Variants in LTBP2 observed in about 807,000 individuals in gnomAD.
LTBP2 encodes the protein latent transforming growth factor beta binding protein 2, also known as latent-transforming growth factor beta-binding protein 2.
LTBP2 carries 103 observed loss-of-function variants against 210.6 expected under a neutral mutation model. That is an observed-to-expected ratio of 0.49 (90% CI 0.42 to 0.58). The LOEUF (loss-of-function observed/expected upper bound fraction) is 0.58. Among genes scored for constraint, LTBP2 ranks in the 20% least tolerant of loss-of-function variants. The pLI is 0.00. For missense variants in LTBP2, 2,313 were observed against 2,494.5 expected (o/e 0.93, Z 1.55); for synonymous variants, 1,007 against 1,015.0 (o/e 0.99, Z 0.15).
intron 18 of LTBP2, among the ~76,000 whole-genome samples, chr14:74,514,083 C>T (rs1566618360): frequency 6.6e-6 from 1 of 152,216 alleles, no homozygotes; most frequent in Non-Finnish European, 1.5e-5. Context: ...GAGGAAGATT[C>T]CGAATGAAGC....
At position 74,528,501 on chromosome 14, in the gene LTBP2, C is replaced by CT; in HGVS notation, c.2349_2350insA (p.Gly784ArgfsTer5). ...CAGATACCCTTGTCAGGGATGGTCC[C>CT]GGCCTCAAGCCAGGTGTCCGTGACG... On this transcript the variant is annotated frameshift_variant, in exon 12 of 36. Transcript: ENST00000261978. LOFTEE classifies it high-confidence loss of function. The CT allele has an allele frequency of 6.2e-7, 1 of 1,611,992 alleles. No individual in the cohort carries two copies. Among genetic ancestry groups the CT allele is most frequent in the South Asian group, 1.1e-5 (1 of 91,020 alleles).
At position 74,522,126 on chromosome 14, in the gene LTBP2, G is replaced by A. The variant is rs1595250969; in HGVS notation, c.2660-87C>T. Reference sequence around the variant, plus strand: ...TACCAGCAACCTGCCCACACTAGGGGCTGGGCAGGGGATGGTGCTGTGTGG... The same window carrying A: ...TACCAGCAACCTGCCCACACTAGGGACTGGGCAGGGGATGGTGCTGTGTGG... On this transcript the variant is annotated intron_variant, in intron 16 of 35. Coordinates refer to ENST00000261978, the MANE Select transcript of LTBP2 (RefSeq NM_000428.3). 15 of 1,452,044 alleles carry A rather than the reference G, an allele frequency of 1.0e-5. No homozygotes were observed. In the South Asian group the frequency reaches 1.8e-4, roughly 18 times the overall value. The allele number at this position is 1,452,044 out of a possible 1,614,324, so 89.9% of individuals were successfully genotyped here. A position where few individuals can be genotyped will look rare whatever the true frequency, so the allele number is the denominator to read the frequency against.
In LTBP2 at chr14:74,499,483, G is replaced by T. The variant is rs889367179; in HGVS notation, c.*1401C>A. ...GTGATGGCTAACAATCAGAGGAGCA[G>T]GTAGGACAGGGCAGATTAAATTAAG... On this transcript the variant is annotated 3_prime_UTR_variant, in exon 36 of 36. Transcript: ENST00000261978. The T allele has an allele frequency of 8.7e-6, 2 of 228,636 alleles. No homozygotes were observed. Among genetic ancestry groups the T allele is most frequent in the Non-Finnish European group, 1.7e-5 (2 of 115,260 alleles). 14.2% of individuals were successfully genotyped at this position (228,636 alleles called of 1,614,324 possible). A position where few individuals can be genotyped will look rare whatever the true frequency, so the allele number is the denominator to read the frequency against.
At chr14:74,573,893 T>A (rs148048887) in intron 3 of LTBP2, among the ~76,000 whole-genome samples, 1 of 152,128 alleles carries the variant, frequency 6.6e-6, no homozygotes, top group African/African-American at 2.4e-5. Flanking sequence ...GTCTTTCACA[T>A]TGAGACTCGG....
chr14:74,525,128 G>C lies in LTBP2; in HGVS notation c.2526C>G (p.Thr842=). ...PSTDVLVTLS[T]PGIDRCAAGA... ...CAAAGGTCTGGCTGCAGCTACCTGG[G>C]GTGCTCAGGGTCACCAGCACATCAG... is the stretch of plus-strand genomic sequence containing the variant. Residue 842 remains threonine (T), a synonymous_variant, in exon 15 of 36, where the codon ACC becomes ACG. Coordinates refer to ENST00000261978, the MANE Select transcript of LTBP2 (RefSeq NM_000428.3). 3.0e-6 allele frequency: 4 copies of C among 1,325,746 alleles called. No homozygotes were observed. The East Asian group carries it at 8.4e-5, about 28-fold the overall frequency. 82.1% of individuals were successfully genotyped at this position (1,325,746 alleles called of 1,614,324 possible).
Position 74,507,206 on chromosome 14 carries a change from G to A in LTBP2, c.3880C>T (p.His1294Tyr), listed in dbSNP as rs780526555. 1.2e-6 allele frequency: 2 copies of A among 1,614,180 alleles called. No individual in the cohort carries two copies. The highest frequency in any genetic ancestry group is 1.7e-6 in the Non-Finnish European group (2 of 1,180,024). The change falls in exon 26 of 36, where the codon CAC (histidine) becomes TAC (tyrosine). Residue 1294 changes from histidine (H) to tyrosine (Y), a missense_variant. His to Tyr is a moderately conservative substitution (Grantham distance 83). Around this residue, in one of 3 missense-constraint regions of LTBP2, gnomAD observed 1,867 missense variants for 1,976.9 expected, o/e 0.94. Transcript: ENST00000261978. ...RCVLGCQPGF[H>Y]MAPNGDCIDI... ...ATGCAGTCTCCGTTCGGGGCCATGT[G>A]GAAGCCAGGCTGGCAGCCCAGAACA...
At chr14:74,577,060 G>A (rs2088067426) in intron 3 of LTBP2, among the ~76,000 whole-genome samples, 1 of 151,888 alleles carries the variant, frequency 6.6e-6, no homozygotes, top group Non-Finnish European at 1.5e-5. Flanking sequence ...GGCCAAAATT[G>A]GGTTTACTGA....
intron 3 of LTBP2, among the ~76,000 whole-genome samples, chr14:74,571,816 C>T (rs965588965): frequency 6.6e-6 from 1 of 152,132 alleles, no homozygotes; most frequent in East Asian, 1.9e-4. Flanking sequence ...GCAGCGTAGG[C>T]GACATCTGGA....
At chr14:74,562,795 G>C (rs994876861) in intron 3 of LTBP2, among the ~76,000 whole-genome samples, 1 of 152,100 alleles carries the variant, frequency 6.6e-6, no homozygotes, top group Non-Finnish European at 1.5e-5. Flanking sequence ...AGAAACAGAC[G>C]CTCTCGGATG....
chr14:74,533,185 G>A (rs915806638), intron 9 of LTBP2, among the ~76,000 whole-genome samples: 2 of 152,226 alleles, frequency 1.3e-5, no homozygotes, highest in East Asian at 1.9e-4. Flanking sequence ...TACATGCTAC[G>A]TACTCTGCTG....
intron 2 of LTBP2, among the ~76,000 whole-genome samples, chr14:74,589,869 C>T (rs2088257463): frequency 6.6e-6 from 1 of 152,176 alleles, no homozygotes; most frequent in African/African-American, 2.4e-5. Flanking sequence ...AGACCCAAAG[C>T]CCGGCGTGGG....
intron 2 of LTBP2, 74 bp downstream of exon 2, chr14:74,603,560 GC>G: frequency 1.3e-6 from 2 of 1,491,256 alleles, no homozygotes; most frequent in Admixed American, 1.7e-5. Context: ...AGCTTGACCT[GC>G]CCTGGGAGTA....
chr14:74,526,261 T>C, intron 13 of LTBP2, 147 bp from the exon 14 acceptor site: 3 of 801,390 alleles, frequency 3.7e-6, no homozygotes, highest in Non-Finnish European at 4.3e-6. Context: ...GAGTTCTTAC[T>C]CTATGCTGGG....
rs151176143 is a variant in LTBP2, at chr14:74,516,877, C to T, written c.2853G>A (p.Ser951=). 1.8e-3 allele frequency: 2,792 copies of T among 1,551,932 alleles called. 3 individuals are homozygous for T. Among genetic ancestry groups the T allele is most frequent in the Non-Finnish European group, 2.1e-3 (2,441 of 1,147,086 alleles). The change falls in exon 18 of 36, where the codon TCG becomes TCA. Residue 951 remains serine, a synonymous_variant. Transcript: ENST00000261978. ...AGCCCTGATCACACTCGCAGTGGTACGAGCCCTCGGTGTTGGTGCACTGCC... is the reference window on the plus strand; with the variant it reads ...AGCCCTGATCACACTCGCAGTGGTATGAGCCCTCGGTGTTGGTGCACTGCC... The part of the protein sequence containing the change: ...SGGQCTNTEG[S]YHCECDQGYI...
At chr14:74,565,936 C>T (rs1419187656) in intron 3 of LTBP2, among the ~76,000 whole-genome samples, 1 of 152,182 alleles carries the variant, frequency 6.6e-6, no homozygotes, top group African/African-American at 2.4e-5. Flanking sequence ...CCTGCTACCA[C>T]TTGTCTGCTA....
intron 26 of LTBP2, 59 bp from the exon 27 acceptor site, chr14:74,506,882 C>CGCGCGTGT: frequency 1.1e-6 from 1 of 927,124 alleles, no homozygotes. Flanking sequence ...TGTGTGTGCG[C>CGCGCGTGT]GCGCGCGTGT....
intron 10 of LTBP2, among the ~76,000 whole-genome samples, chr14:74,530,553 T>C (rs1361575904): frequency 6.6e-6 from 1 of 152,244 alleles, no homozygotes; most frequent in Non-Finnish European, 1.5e-5. Flanking sequence ...GTCTTGTCTA[T>C]TGCCCAGGCT....
chr14:74,557,028 C>G (rs1490579958), intron 3 of LTBP2, among the ~76,000 whole-genome samples: 2 of 152,002 alleles, frequency 1.3e-5, no homozygotes, highest in African/African-American at 4.8e-5. Context: ...TTGGGAGGTC[C>G]ATGCGGGCAG....
At chr14:74,550,795 C>T (rs767577394) in intron 7 of LTBP2, among the ~76,000 whole-genome samples, 5 of 152,226 alleles carry the variant, frequency 3.3e-5, no homozygotes, top group Admixed American at 6.5e-5. Flanking sequence ...CCTGAGGATG[C>T]TGGTGACAGC....
Sources: gnomAD v4.1 joint callset for allele counts (sites outside exome capture counted in the v4.1 genomes callset) on GRCh38, gnomAD v4.1.1 for gene constraint, gnomAD v4.1.1 regional missense constraint, MANE v1.5 for transcripts, NCBI Gene and HGNC (gene_info 2026-07-23, HGNC 2026-07-21) for gene names.